Variants in ZBTB20 observed in about 807,000 individuals in gnomAD.
ZBTB20 encodes the protein zinc finger and BTB domain-containing protein 20.
Under a neutral mutation model 56.9 loss-of-function variants are expected in ZBTB20, and 9 were observed. That is an observed-to-expected ratio of 0.16 (90% CI 0.10 to 0.28). ZBTB20 has a LOEUF of 0.28. ZBTB20 is among the 10% of genes least tolerant of loss of function. The pLI is 1.00. For missense variants in ZBTB20, 655 were observed against 1,003.0 expected (o/e 0.65, Z 4.69); for synonymous variants, 417 against 420.7 (o/e 0.99, Z 0.11).
chr3:114,712,788 T>C (rs954321058), intron 5 of ZBTB20, among the ~76,000 whole-genome samples: 1 of 151,944 alleles, frequency 6.6e-6, no homozygotes, highest in Admixed American at 6.6e-5. Flanking sequence ...GGTGACAAAA[T>C]ATATAATGTA....
chr3:114,907,676 G>A, intron 3 of ZBTB20, among the ~76,000 whole-genome samples: 1 of 151,660 alleles, frequency 6.6e-6, no homozygotes. Context: ...TTTCTTTTTT[G>A]TCATCACCAC....
At chr3:114,979,303 C>G (rs952705899) in intron 2 of ZBTB20, among the ~76,000 whole-genome samples, 3 of 151,878 alleles carry the variant, frequency 2.0e-5, no homozygotes, top group African/African-American at 7.2e-5. Context: ...ACAAAATACA[C>G]CATGAGAACA....
chr3:114,994,352 C>T (rs574593097), intron 2 of ZBTB20, among the ~76,000 whole-genome samples: 1 of 151,916 alleles, frequency 6.6e-6, no homozygotes, highest in Non-Finnish European at 1.5e-5. Context: ...TTGAATCCTG[C>T]CAAGCCTTTA....
intron 6 of ZBTB20, among the ~76,000 whole-genome samples, chr3:114,543,762 G>C (rs2049396577): frequency 6.6e-6 from 1 of 152,104 alleles, no homozygotes; most frequent in Admixed American, 6.5e-5. Flanking sequence ...AGATTTTAAT[G>C]GTCATAAAAA....
At chr3:115,038,519 A>G (rs2081019246) in intron 2 of ZBTB20, among the ~76,000 whole-genome samples, 1 of 152,166 alleles carries the variant, frequency 6.6e-6, no homozygotes, top group Admixed American at 6.5e-5. Flanking sequence ...TACTCAAAAA[A>G]ATAAGCAATG....
intron 5 of ZBTB20, among the ~76,000 whole-genome samples, chr3:114,744,869 A>G (rs1031699491): frequency 5.3e-5 from 8 of 152,110 alleles, no homozygotes; most frequent in Admixed American, 5.2e-4. Flanking sequence ...TCCTAGTGCA[A>G]TGGTGAATGT....
intron 7 of ZBTB20, among the ~76,000 whole-genome samples, chr3:114,414,443 A>C (rs978619834): frequency 2.0e-5 from 3 of 152,098 alleles, no homozygotes; most frequent in African/African-American, 7.2e-5. Flanking sequence ...CCAGACTCTA[A>C]TTTAATCTGA....
chr3:114,824,594 T>C (rs1364055321), intron 4 of ZBTB20, among the ~76,000 whole-genome samples: 3 of 151,948 alleles, frequency 2.0e-5, no homozygotes, highest in Non-Finnish European at 4.4e-5. Flanking sequence ...ATCATGTATG[T>C]TTGTTTGAAC....
At chr3:114,620,810 C>T (rs1294341947) in intron 6 of ZBTB20, among the ~76,000 whole-genome samples, 1 of 152,082 alleles carries the variant, frequency 6.6e-6, no homozygotes, top group Non-Finnish European at 1.5e-5. Context: ...TATATAAATG[C>T]TAAATGAAGG....
chr3:114,850,211 A>G (rs1368697402), intron 4 of ZBTB20, among the ~76,000 whole-genome samples: 1 of 152,024 alleles, frequency 6.6e-6, no homozygotes, highest in Non-Finnish European at 1.5e-5. Context: ...AAATCAGGAA[A>G]TCTTTCCCAA....
chr3:114,635,342 T>C (rs2059201545), intron 6 of ZBTB20, among the ~76,000 whole-genome samples: 1 of 152,046 alleles, frequency 6.6e-6, no homozygotes, highest in Non-Finnish European at 1.5e-5. Context: ...TCTCTACTCA[T>C]CAAAACTCAT....
At position 114,565,471 on chromosome 3, in the gene ZBTB20, T is replaced by C. The variant is rs548642541; in HGVS notation, c.-294-65080A>G. Among the ~76,000 whole-genome samples the C allele has an allele frequency of 2.8e-4, 43 of 152,336 alleles. 1 individual carries two copies. Among genetic ancestry groups the C allele is most frequent in the Admixed American group, 6.5e-5 (1 of 15,306 alleles). On this transcript the variant is annotated intron_variant, in intron 6 of 11. Coordinates refer to ENST00000675478, the MANE Select transcript of ZBTB20 (RefSeq NM_001348800.3). ...TTTTCCAGCAGAGATTTAGCACAGATTACAAAATATCTGTTCTTGGCAACT... is the reference window on the plus strand; with the variant it reads ...TTTTCCAGCAGAGATTTAGCACAGACTACAAAATATCTGTTCTTGGCAACT...
chr3:115,080,859 A>G (rs900442950), intron 1 of ZBTB20, among the ~76,000 whole-genome samples: 1 of 152,182 alleles, frequency 6.6e-6, no homozygotes, highest in Non-Finnish European at 1.5e-5. Context: ...ACTGAAAAAG[A>G]GTAATGGTAG....
At chr3:115,033,042 T>C (rs1362160706) in intron 2 of ZBTB20, among the ~76,000 whole-genome samples, 3 of 130,124 alleles carry the variant, frequency 2.3e-5, no homozygotes, top group Admixed American at 7.5e-5. Context: ...AAATACAGAA[T>C]AGAAAAATAA....
intron 7 of ZBTB20, among the ~76,000 whole-genome samples, chr3:114,499,604 T>G (rs1333216943): frequency 6.6e-6 from 1 of 152,202 alleles, no homozygotes; most frequent in Non-Finnish European, 1.5e-5. Flanking sequence ...GTGACTTTGA[T>G]TATTTGGGTT....
At chr3:114,491,666 T>C (rs2109515520) in intron 7 of ZBTB20, among the ~76,000 whole-genome samples, 1 of 152,342 alleles carries the variant, frequency 6.6e-6, no homozygotes, top group Admixed American at 6.5e-5. Flanking sequence ...TTCTCTCTTC[T>C]GCACATTGGA....
intron 6 of ZBTB20, among the ~76,000 whole-genome samples, chr3:114,599,963 A>G (rs1001032361): frequency 5.3e-5 from 8 of 152,004 alleles, no homozygotes; most frequent in African/African-American, 1.7e-4. Context: ...GAGCGAGCAC[A>G]TAAGATTCCA....
intron 2 of ZBTB20, among the ~76,000 whole-genome samples, chr3:115,007,087 C>G (rs1415890360): frequency 6.6e-6 from 1 of 151,718 alleles, no homozygotes; most frequent in African/African-American, 2.4e-5. Context: ...ATATTTCTTT[C>G]TACTTCTCAT....
At chr3:114,930,879 A>C (rs1342852691) in intron 3 of ZBTB20, 1 of 245,466 alleles carries the variant, frequency 4.1e-6, no homozygotes, top group African/African-American at 2.3e-5. Flanking sequence ...TAAATGTTAC[A>C]GGCCCCTGTA....
Sources: allele counts gnomAD v4.1 joint callset (sites outside exome capture counted in the v4.1 genomes callset), GRCh38; gene constraint gnomAD v4.1.1; transcripts MANE v1.5; gene names NCBI Gene and HGNC (gene_info 2026-07-23, HGNC 2026-07-21).